Variants in AMBRA1 observed in about 807,000 individuals in gnomAD.
AMBRA1 encodes the protein autophagy and beclin 1 regulator 1.
Under a neutral mutation model 125.4 loss-of-function variants are expected in AMBRA1, and 47 were observed. That is an observed-to-expected ratio of 0.37 (90% CI 0.30 to 0.48). The LOEUF (loss-of-function observed/expected upper bound fraction) is 0.48. Ranked by LOEUF, AMBRA1 falls within the 20% of genes least tolerant of loss-of-function variation. AMBRA1 has a pLI of 0.99. For missense variants in AMBRA1, 1,331 were observed against 1,693.4 expected (o/e 0.79, Z 3.76); for synonymous variants, 626 against 655.5 (o/e 0.95, Z 0.69).
chr11:46,424,612 C>T (rs1358282730), intron 14 of AMBRA1, among the ~76,000 whole-genome samples: 1 of 152,070 alleles, frequency 6.6e-6, no homozygotes, highest in Non-Finnish European at 1.5e-5. Flanking sequence ...TTTGGGTGGC[C>T]GAGATAGGAA....
intron 1 of AMBRA1, among the ~76,000 whole-genome samples, chr11:46,590,868 G>A (rs2044571157): frequency 6.7e-6 from 1 of 150,310 alleles, no homozygotes; most frequent in South Asian, 2.1e-4. Context: ...AACTGAGATC[G>A]TGCCACTGCA....
At chr11:46,511,655 C>T (rs1488030824) in intron 8 of AMBRA1, among the ~76,000 whole-genome samples, 2 of 152,190 alleles carry the variant, frequency 1.3e-5, no homozygotes, top group South Asian at 4.1e-4. Flanking sequence ...TCTAGTATTG[C>T]TTAAATAATG....
intron 11 of AMBRA1, among the ~76,000 whole-genome samples, chr11:46,487,112 G>A (rs1027578546): frequency 2.6e-5 from 4 of 151,746 alleles, no homozygotes; most frequent in Non-Finnish European, 4.4e-5. Flanking sequence ...ACAAAAATTA[G>A]ATGGACATGG....
chr11:46,501,344 G>A (rs1950829148), intron 9 of AMBRA1, among the ~76,000 whole-genome samples: 1 of 152,236 alleles, frequency 6.6e-6, no homozygotes, highest in Non-Finnish European at 1.5e-5. Context: ...CTTAGTCTGA[G>A]TGAGTGTGGG....
At chr11:46,589,607 G>A (rs1300465942) in intron 1 of AMBRA1, among the ~76,000 whole-genome samples, 1 of 152,072 alleles carries the variant, frequency 6.6e-6, no homozygotes, top group Non-Finnish European at 1.5e-5. Flanking sequence ...TAAATTGGAA[G>A]TGTGAGAGAA....
chr11:46,423,036 G>C (rs1250854637), intron 14 of AMBRA1, among the ~76,000 whole-genome samples: 1 of 152,154 alleles, frequency 6.6e-6, no homozygotes, highest in Non-Finnish European at 1.5e-5. Flanking sequence ...GAAGGCTTAA[G>C]GTTTTAGTGA....
rs545420332 is a variant in AMBRA1, at chr11:46,417,695, A to G, written c.3116+218T>C. On this transcript the variant is annotated intron_variant, in intron 15 of 17. Coordinates refer to ENST00000683756, the MANE Select transcript of AMBRA1 (RefSeq NM_001387011.1). The stretch of plus-strand genomic sequence containing the variant: ...AAAATACTGCCTTTAGATTCAAGAA[A>G]ACATGATCACTAAATCAGTCTCTGG... 3.3e-5 allele frequency among the ~76,000 whole-genome samples: 5 copies of G among 152,346 alleles called. No homozygotes were observed. In the South Asian group the frequency reaches 1.0e-3, roughly 32 times the overall value.
chr11:46,593,005 GGAAACAAAGTAGACAACAAGGTTATCAA>G (rs2044662341), intron 1 of AMBRA1, among the ~76,000 whole-genome samples: 1 of 149,092 alleles, frequency 6.7e-6, no homozygotes, highest in Non-Finnish European at 1.5e-5. Flanking sequence ...AAGGTTATCA[GGAAACAAAGTAGACAACAAGGTTATCAA>G]GAAACAAAAA....
At chr11:46,566,594 G>A (rs769512553) in intron 1 of AMBRA1, among the ~76,000 whole-genome samples, 7 of 152,040 alleles carry the variant, frequency 4.6e-5, no homozygotes, top group Admixed American at 1.3e-4. Flanking sequence ...GACGGGACCC[G>A]GGGGGTGAGG....
At chr11:46,576,516 C>A (rs1212345464) in intron 1 of AMBRA1, among the ~76,000 whole-genome samples, 2 of 152,196 alleles carry the variant, frequency 1.3e-5, no homozygotes, top group Non-Finnish European at 2.9e-5. Context: ...TCCCTCATTT[C>A]TAAACAAGCT....
intron 7 of AMBRA1, among the ~76,000 whole-genome samples, chr11:46,523,057 A>G (rs1014063840): frequency 3.9e-5 from 6 of 152,204 alleles, no homozygotes; most frequent in Non-Finnish European, 8.8e-5. Flanking sequence ...TTCCCAGCTC[A>G]TATCTGTCCA....
At chr11:46,407,653 G>A (rs903347667) in intron 17 of AMBRA1, among the ~76,000 whole-genome samples, 8 of 152,236 alleles carry the variant, frequency 5.3e-5, no homozygotes, top group Non-Finnish European at 8.8e-5. Context: ...CATCGCAAGC[G>A]ACCACGCAAT....
chr11:46,516,000 A>C (rs545702441), intron 7 of AMBRA1, among the ~76,000 whole-genome samples: 1 of 152,148 alleles, frequency 6.6e-6, no homozygotes, highest in African/African-American at 2.4e-5. Flanking sequence ...CAATCCTAAA[A>C]GTCTATTTCC....
intron 10 of AMBRA1, 193 bp downstream of exon 10, chr11:46,493,931 C>T: frequency 1.5e-6 from 1 of 654,998 alleles, no homozygotes; most frequent in Non-Finnish European, 2.6e-6. Flanking sequence ...CAGGATTCTC[C>T]CAGCACCACT....
At chr11:46,423,537 G>A (rs888145902) in intron 14 of AMBRA1, among the ~76,000 whole-genome samples, 38 of 147,704 alleles carry the variant, frequency 2.6e-4, no homozygotes, top group Middle Eastern at 3.8e-3. Flanking sequence ...GACTACAGGC[G>A]CCTGCCACCA....
At chr11:46,557,202 G>C (rs1358985113) in intron 1 of AMBRA1, among the ~76,000 whole-genome samples, 5 of 151,052 alleles carry the variant, frequency 3.3e-5, no homozygotes, top group Non-Finnish European at 7.4e-5. Context: ...TCAGGAGGCT[G>C]AGGCAGGAGA....
chr11:46,458,360 G>A (rs1202116408), intron 11 of AMBRA1, among the ~76,000 whole-genome samples: 1 of 152,106 alleles, frequency 6.6e-6, no homozygotes, highest in African/African-American at 2.4e-5. Flanking sequence ...AAGCTTTCCT[G>A]AATTAGAGAG....
At chr11:46,510,047 G>A (rs1951200201) in intron 8 of AMBRA1, among the ~76,000 whole-genome samples, 1 of 152,102 alleles carries the variant, frequency 6.6e-6, no homozygotes, top group Non-Finnish European at 1.5e-5. Context: ...GTCATCAAAG[G>A]TGGTATCCTT....
intron 1 of AMBRA1, among the ~76,000 whole-genome samples, chr11:46,551,076 G>A (rs1223638877): frequency 2.1e-5 from 3 of 141,322 alleles, no homozygotes; most frequent in African/African-American, 5.5e-5. Flanking sequence ...CAGCCTGGGC[G>A]ACGGAGTGAG....
Sources: gnomAD v4.1 joint callset for allele counts (sites outside exome capture counted in the v4.1 genomes callset) on GRCh38, gnomAD v4.1.1 for gene constraint, MANE v1.5 for transcripts, NCBI Gene and HGNC (gene_info 2026-07-23, HGNC 2026-07-21) for gene names.